C16orf96: variants seen among roughly 807,000 people sequenced by gnomAD.
The protein encoded by C16orf96 is chromosome 16 open reading frame 96.
Under a neutral mutation model 103.6 loss-of-function variants are expected in C16orf96, and 108 were observed. The observed-to-expected ratio is 1.04, with a 90% CI of 0.89 to 1.22. The LOEUF (loss-of-function observed/expected upper bound fraction) is 1.22, where lower values mean the gene tolerates loss of function less well. Among genes scored for constraint, C16orf96 ranks in the 50% most tolerant of loss-of-function variants. The pLI is 0.00. For synonymous variants in C16orf96, 566 were observed against 593.5 expected, an observed-to-expected ratio of 0.95 and a Z score of 0.67; for missense variants, 1,586 against 1,464.2, an observed-to-expected ratio of 1.08 and a Z score of -1.36.
Position 4,576,310 on chromosome 16 carries a change from C to T in C16orf96, c.1830C>T (p.Asp610=), listed in dbSNP as rs1485466883. 16 of 1,550,788 alleles carry T rather than the reference C, an allele frequency of 1.0e-5. No homozygotes were observed. In the Middle Eastern group the frequency reaches 1.7e-3, roughly 162 times the overall value. Residue 610 remains aspartate (D), a synonymous_variant, in exon 5 of 16, where the codon GAC becomes GAT. Transcript: ENST00000444310. The part of the protein sequence containing the change: ...PATKMAAIAT[D]TAAAGPLGVF... ...CCAAAATGGCCGCCATTGCAACAGACACGGCTGCAGCTGGGCCCCTAGGGG... is the reference window on the plus strand; with the variant it reads ...CCAAAATGGCCGCCATTGCAACAGATACGGCTGCAGCTGGGCCCCTAGGGG...
chr16:4,568,533 T>C (rs2059404514), intron 1 of C16orf96, among the ~76,000 whole-genome samples: 1 of 152,086 alleles, frequency 6.6e-6, no homozygotes. Context: ...GCTCAAGCCA[T>C]CCTTCCACTG....
chr16:4,585,042 G>A (rs776887699), intron 7 of C16orf96, among the ~76,000 whole-genome samples: 1 of 152,166 alleles, frequency 6.6e-6, no homozygotes, highest in African/African-American at 2.4e-5. Context: ...AGCTACTGGG[G>A]AAGCAGAGGT....
intron 1 of C16orf96, among the ~76,000 whole-genome samples, chr16:4,564,487 T>G (rs573524892): frequency 1.5e-3 from 222 of 152,266 alleles, no homozygotes; most frequent in Non-Finnish European, 2.5e-3. Flanking sequence ...TGCTGTATAT[T>G]GTACAGGTTA....
intron 1 of C16orf96, among the ~76,000 whole-genome samples, chr16:4,567,345 G>A (rs1409908627): frequency 1.5e-5 from 2 of 135,232 alleles, no homozygotes; most frequent in African/African-American, 2.7e-5. Flanking sequence ...GTGCAATGGC[G>A]CGATCTTGGC....
rs914356350 is a variant in C16orf96 at position 4,593,294 on chromosome 16, T to C, written c.2845T>C (p.Tyr949His). 1.3e-6 allele frequency: 2 copies of C among 1,550,602 alleles called. No individual in the cohort carries two copies. Among genetic ancestry groups the C allele is most frequent in the Non-Finnish European group, 1.7e-6 (2 of 1,146,800 alleles). ...GCCAGCCAGCGCCAACAGCTGCGAGTACTTGCAGCGGCAACAGATGAGGTG... is the reference window on the plus strand; with the variant it reads ...GCCAGCCAGCGCCAACAGCTGCGAGCACTTGCAGCGGCAACAGATGAGGTG... ...LRPASANSCEYLQRQQMREQQ... is the reference protein window; with the variant it reads ...LRPASANSCEHLQRQQMREQQ... Residue 949 changes from tyrosine (Y) to histidine (H), a missense_variant, in exon 12 of 16, where the codon TAC (tyrosine) becomes CAC (histidine). Tyr to His is a moderately conservative substitution (Grantham distance 83). Transcript: ENST00000444310. This position sits in a 1 kb window ranked among gnomAD's most constrained non-coding sequence, Gnocchi z 4.2.
rs940022778 is a variant in C16orf96, at chr16:4,575,277, A to C, written c.797A>C (p.Gln266Pro). 8 of 1,550,498 alleles carry C rather than the reference A, an allele frequency of 5.2e-6. No homozygotes were observed. The African/African-American group carries it at 1.1e-4, about 21-fold the overall frequency. Residue 266 changes from glutamine to proline, a missense_variant, in exon 5 of 16, where the codon CAG becomes CCG. Gln to Pro is a moderately conservative substitution (Grantham distance 76). Transcript: ENST00000444310. ...TKYLEATRAI[Q>P]VSEPVQNPQL... ...TACCTTGAAGCTACTCGTGCCATCCAGGTCTCCGAGCCCGTCCAAAACCCC... is the reference window on the plus strand; with the variant it reads ...TACCTTGAAGCTACTCGTGCCATCCCGGTCTCCGAGCCCGTCCAAAACCCC...
rs1481273002 is a variant in C16orf96 at position 4,574,780 on chromosome 16, G to A, written c.597G>A (p.Gln199=). 1.3e-6 allele frequency: 2 copies of A among 1,551,658 alleles called. No individual in the cohort carries two copies. The highest frequency in any genetic ancestry group is 2.4e-5 in the South Asian group (2 of 84,068). ...AGAACTGGAAGATGGTTGCACTGCA[G>A]CGGGAAGTGGTGAGGGCCACCATCC... ...KIQNWKMVAL[Q]REVASLQNKF... The change falls in exon 3 of 16, where the codon CAG becomes CAA. Residue 199 remains glutamine (Q), a synonymous_variant. Coordinates refer to ENST00000444310, the MANE Select transcript of C16orf96 (RefSeq NM_001145011.2).
chr16:4,594,629 G>T, intron 13 of C16orf96, 75 bp from the exon 14 acceptor site: 5 of 1,540,200 alleles, frequency 3.2e-6, no homozygotes, highest in Non-Finnish European at 4.4e-6. Context: ...TGTCTCCTGG[G>T]CTTCTGCGTG....
At chr16:4,553,282 C>T (rs2059238649), upstream of C16orf96, among the ~76,000 whole-genome samples, 1 of 152,220 alleles carries the variant, frequency 6.6e-6, no homozygotes. Flanking sequence ...AAATATCCCA[C>T]TGTTCAATTC....
intron 8 of C16orf96, among the ~76,000 whole-genome samples, chr16:4,587,937 C>CA (rs1896967114): frequency 6.6e-6 from 1 of 152,064 alleles, no homozygotes; most frequent in South Asian, 2.1e-4. Context: ...GATCCTGTCT[C>CA]AAAAAAACAC....
chr16:4,599,781 C>T (rs190642799), intron 15 of C16orf96, among the ~76,000 whole-genome samples: 2 of 152,256 alleles, frequency 1.3e-5, no homozygotes, highest in African/African-American at 2.4e-5. Context: ...GGCTCGGTCA[C>T]TTTGAGCTGT....
At chr16:4,594,015 G>A (rs895631321) in intron 12 of C16orf96, among the ~76,000 whole-genome samples, 4 of 152,184 alleles carry the variant, frequency 2.6e-5, no homozygotes, top group Non-Finnish European at 5.9e-5. Context: ...CACCACAGCC[G>A]TGGGAAGGGG....
At chr16:4,557,701 ACT>A (rs2059281166) in intron 1 of C16orf96, among the ~76,000 whole-genome samples, 1 of 151,634 alleles carries the variant, frequency 6.6e-6, no homozygotes, top group Non-Finnish European at 1.5e-5. Flanking sequence ...ACAGGGTGTC[ACT>A]CTGTCATCCA....
chr16:4,592,612 T>G (rs941413742), intron 11 of C16orf96, among the ~76,000 whole-genome samples: 8 of 152,258 alleles, frequency 5.3e-5, no homozygotes, highest in African/African-American at 1.7e-4. Context: ...TACACTGTTC[T>G]GTATGTGCCA....
chr16:4,596,072 T>A (rs1596540354), intron 14 of C16orf96, among the ~76,000 whole-genome samples: 1 of 152,102 alleles, frequency 6.6e-6, no homozygotes, highest in African/African-American at 2.4e-5. Context: ...GACTGTTTCA[T>A]CAATGTGCTG....
chr16:4,599,328 G>A lies in C16orf96; in HGVS notation c.3172G>A (p.Val1058Met), dbSNP rs1177449532. ...SPPSQSLYDR[V>M]HSSALFGAIC... ...CCCGTCACAAAGCCTGTATGACCGT[G>A]TGCACTCCAGTGCCCTATTTGGCGC... The change falls in exon 15 of 16, where the codon GTG becomes ATG. Residue 1058 changes from valine (V) to methionine (M), a missense_variant. Physicochemically the swap from Val to Met is conservative, Grantham distance 21. Transcript: ENST00000444310. 2 of 1,551,624 alleles carry A rather than the reference G, an allele frequency of 1.3e-6. No homozygotes were observed. The highest frequency in any genetic ancestry group is 1.4e-5 in the African/African-American group (1 of 73,122).
intron 2 of C16orf96, among the ~76,000 whole-genome samples, chr16:4,573,464 G>C (rs6500616): frequency 0.95 from 132,005 of 138,892 alleles, 63,161 homozygotes; most frequent in South Asian, 1. Context: ...AAAAAGGTGG[G>C]GTCGGTGGGG....
rs150421329 is a variant in C16orf96 at position 4,582,819 on chromosome 16, G to A, written c.2352+2694G>A. Among the ~76,000 whole-genome samples the A allele has an allele frequency of 3.1e-3, 476 of 152,302 alleles. 1 individual carries two copies. The highest frequency in any genetic ancestry group is 0.011 in the African/African-American group (461 of 41,566). ...CAGGGGCTGCAGTGTCTGCCTGCGT[G>A]TCCGTAGTTGTCACTTATTAGAAAG... On this transcript the variant is annotated intron_variant, in intron 7 of 15. Coordinates refer to ENST00000444310, the MANE Select transcript of C16orf96 (RefSeq NM_001145011.2).
At chr16:4,564,577 G>A (rs563429625) in intron 1 of C16orf96, among the ~76,000 whole-genome samples, 1 of 152,326 alleles carries the variant, frequency 6.6e-6, no homozygotes, top group East Asian at 1.9e-4. Flanking sequence ...TTGGGAGGCT[G>A]AGGCAGAAGG....
Sources: gnomAD v4.1 joint callset for allele counts (sites outside exome capture counted in the v4.1 genomes callset) on GRCh38, gnomAD v4.1.1 for gene constraint, Gnocchi (gnomAD v3.1) non-coding constraint, MANE v1.5 for transcripts, NCBI Gene and HGNC (gene_info 2026-07-23, HGNC 2026-07-21) for gene names.